Variants in NLGN4Y observed in about 807,000 individuals in gnomAD.
NLGN4Y encodes neuroligin-4, Y-linked.
In NLGN4Y, 4 loss-of-function variants were observed where a neutral mutation model predicts 8.4. The ratio of observed to expected loss-of-function variants is 0.48; its 90% CI spans 0.23 to 1.09. The LOEUF is 1.09. Ranked by LOEUF, NLGN4Y falls within the 50% of genes least tolerant of loss-of-function variation. The pLI, the probability that NLGN4Y is intolerant of heterozygous loss-of-function variation, is 0.19. For missense variants in NLGN4Y, 90 were observed against 192.3 expected, an observed-to-expected ratio of 0.47 and a Z score of 3.15; for synonymous variants, 35 against 75.6, an observed-to-expected ratio of 0.46 and a Z score of 2.78.
intron 2 of NLGN4Y, among the ~76,000 whole-genome samples, chrY:14,661,858 A>C: frequency 3.0e-5 from 1 of 33,527 alleles, no homozygotes; most frequent in Non-Finnish European, 7.4e-5. Context: ...GGAATAAGCC[A>C]TGTGGCCAAG....
At chrY:14,754,866 T>C in intron 4 of NLGN4Y, among the ~76,000 whole-genome samples, 3 of 33,522 alleles carry the variant, frequency 8.9e-5, no homozygotes, top group Non-Finnish European at 1.5e-4. Context: ...TTCTGGTTGT[T>C]TATATTTTTA....
chrY:14,595,724 TTTTG>T (rs2080393916), intron 1 of NLGN4Y, among the ~76,000 whole-genome samples: 1 of 33,324 alleles, frequency 3.0e-5, no homozygotes, highest in Non-Finnish European at 7.4e-5. Context: ...TTTTGGTTTG[TTTTG>T]TTTCTCTCCC....
At chrY:14,727,985 C>T in intron 4 of NLGN4Y, among the ~76,000 whole-genome samples, 1 of 33,492 alleles carries the variant, frequency 3.0e-5, no homozygotes, top group Non-Finnish European at 7.4e-5. Flanking sequence ...AAATCAGTTG[C>T]TCTGTTTCCG....
chrY:14,662,867 C>CA, intron 2 of NLGN4Y, among the ~76,000 whole-genome samples: 1 of 32,844 alleles, frequency 3.0e-5, no homozygotes, highest in South Asian at 6.9e-4. Context: ...TTTTTTGTTA[C>CA]AAAAAATCCA....
upstream of NLGN4Y, chrY:14,523,483 G>A (rs1354411385): frequency 5.2e-5 from 6 of 115,783 alleles, no homozygotes; most frequent in Non-Finnish European, 1.1e-4. Flanking sequence ...ATATATATAT[G>A]TACACACACA....
chrY:14,657,818 A>G (rs937846025), intron 2 of NLGN4Y, among the ~76,000 whole-genome samples: 1 of 33,417 alleles, frequency 3.0e-5, no homozygotes, highest in Non-Finnish European at 7.4e-5. Flanking sequence ...TACATATATC[A>G]GTATGGTCTT....
chrY:14,628,834 AC>A (rs2080538621), intron 2 of NLGN4Y, among the ~76,000 whole-genome samples: 27 of 32,099 alleles, frequency 8.4e-4, no homozygotes, highest in Non-Finnish European at 3.8e-4. Flanking sequence ...TTGCTCTGTC[AC>A]CCAGGCTGAA....
intron 1 of NLGN4Y, among the ~76,000 whole-genome samples, chrY:14,556,107 G>A: frequency 3.1e-5 from 1 of 32,520 alleles, no homozygotes; most frequent in African/African-American, 1.2e-4. Context: ...GAGCCAAGAC[G>A]GTGTCACTGC....
intron 2 of NLGN4Y, among the ~76,000 whole-genome samples, chrY:14,675,276 C>A (rs2080744997): frequency 3.0e-5 from 1 of 33,121 alleles, no homozygotes; most frequent in Non-Finnish European, 7.4e-5. Context: ...TAAACTTCCT[C>A]TTCTGTTTAT....
chrY:14,568,213 G>C (rs1037910743), intron 1 of NLGN4Y, among the ~76,000 whole-genome samples: 1 of 32,510 alleles, frequency 3.1e-5, no homozygotes, highest in Non-Finnish European at 7.5e-5. Context: ...ATGAGTGAGA[G>C]GATGTTCTGT....
chrY:14,807,263 CT>C (rs2043061156), intron 4 of NLGN4Y, among the ~76,000 whole-genome samples: 1 of 31,787 alleles, frequency 3.1e-5, no homozygotes, highest in Non-Finnish European at 7.6e-5. Context: ...GATTTTAGCT[CT>C]TTTTTATGCT....
chrY:14,709,572 G>A, intron 2 of NLGN4Y, among the ~76,000 whole-genome samples: 1 of 33,186 alleles, frequency 3.0e-5, no homozygotes, highest in African/African-American at 1.2e-4. Context: ...AATTAGCCGG[G>A]AATGGTGGCG....
At chrY:14,684,718 C>T in intron 2 of NLGN4Y, among the ~76,000 whole-genome samples, 1 of 33,606 alleles carries the variant, frequency 3.0e-5, no homozygotes, top group Non-Finnish European at 7.4e-5. Flanking sequence ...GTCAACCTGA[C>T]ACTTGGAGAG....
chrY:14,748,536 C>T, intron 4 of NLGN4Y: 1 of 161,708 alleles, frequency 6.2e-6, no homozygotes, highest in Non-Finnish European at 1.2e-5. Flanking sequence ...CACTGCATGC[C>T]AAGAAAGGGG....
chrY:14,592,473 G>A, intron 1 of NLGN4Y, among the ~76,000 whole-genome samples: 4 of 32,626 alleles, frequency 1.2e-4, no homozygotes, highest in African/African-American at 3.6e-4. Flanking sequence ...CCAACGGTTC[G>A]CAGGTGTATC....
intron 1 of NLGN4Y, among the ~76,000 whole-genome samples, chrY:14,609,752 G>A (rs1033035743): frequency 6.0e-5 from 2 of 33,331 alleles, no homozygotes; most frequent in Non-Finnish European, 1.5e-4. Flanking sequence ...AGGAGTCCCT[G>A]TTTTTCTATT....
intron 4 of NLGN4Y, among the ~76,000 whole-genome samples, chrY:14,731,882 G>A (rs955196519): frequency 1.3e-4 from 4 of 31,304 alleles, no homozygotes; most frequent in African/African-American, 4.9e-4. Flanking sequence ...GAAGTAAAAT[G>A]CTTTCCCCCC....
chrY:14,554,065 C>A, intron 1 of NLGN4Y, among the ~76,000 whole-genome samples: 2 of 31,984 alleles, frequency 6.3e-5, no homozygotes, highest in Non-Finnish European at 1.5e-4. Flanking sequence ...CTTAGCTCAG[C>A]CCTTCAAAAA....
chrY:14,657,322 G>T, intron 2 of NLGN4Y, among the ~76,000 whole-genome samples: 1 of 32,291 alleles, frequency 3.1e-5, no homozygotes, highest in Non-Finnish European at 7.5e-5. Context: ...ACATTTAGCG[G>T]TCATGTCTCC....
Sources: gnomAD v4.1 joint callset for allele counts (sites outside exome capture counted in the v4.1 genomes callset) on GRCh38, gnomAD v4.1.1 for gene constraint, MANE v1.5 for transcripts, NCBI Gene and HGNC (gene_info 2026-07-23, HGNC 2026-07-21) for gene names.